LAMA3: variants seen among roughly 807,000 people sequenced by gnomAD.
LAMA3 encodes laminin subunit alpha 3, also known as laminin subunit alpha-3.
In LAMA3, 281 loss-of-function variants were observed where a neutral mutation model predicts 402.0. That is an observed-to-expected ratio of 0.70 (90% CI 0.63 to 0.77). LAMA3 has a LOEUF of 0.77. Among genes scored for constraint, LAMA3 ranks in the 30% least tolerant of loss-of-function variants. LAMA3 has a pLI of 0.00. For synonymous variants in LAMA3, 1,431 were observed against 1,558.4 expected (o/e 0.92, Z 1.93); for missense variants, 3,840 against 4,215.5 (o/e 0.91, Z 2.47).
chr18:23,920,193 T>C (rs1568345772), intron 60 of LAMA3, among the ~76,000 whole-genome samples: 1 of 152,116 alleles, frequency 6.6e-6, no homozygotes, highest in South Asian at 2.1e-4. Flanking sequence ...CCTGGTATAA[T>C]GGAAGAAGAG....
chr18:23,873,557 A>G (rs1337093967), intron 38 of LAMA3, among the ~76,000 whole-genome samples: 1 of 152,224 alleles, frequency 6.6e-6, no homozygotes, highest in Non-Finnish European at 1.5e-5. Flanking sequence ...TCCAAATGCT[A>G]CTTGGAAGAA....
intron 17 of LAMA3, 60 bp from the exon 18 acceptor site, chr18:23,816,328 G>T (rs906550647): frequency 7.6e-7 from 1 of 1,314,086 alleles, no homozygotes; most frequent in Non-Finnish European, 1.1e-6. Context: ...TGTACAGCAG[G>T]GGAGGCGCTC....
Position 23,775,613 on chromosome 18 carries a change from C to T in LAMA3, c.1274-179C>T, listed in dbSNP as rs748713494. Among the ~76,000 whole-genome samples, 82 of 152,248 alleles carry T rather than the reference C, an allele frequency of 5.4e-4. 1 individual carries two copies. The highest frequency in any genetic ancestry group is 3.7e-4 in the Non-Finnish European group (25 of 68,032). On this transcript the variant is annotated intron_variant, in intron 9 of 74. Transcript: ENST00000313654. Reference sequence around the variant, plus strand: ...ATTACAGCTGATCTCTGACAGCTCACGAGCTTCGGGCAGTGAGAACCATCA... The same window carrying T: ...ATTACAGCTGATCTCTGACAGCTCATGAGCTTCGGGCAGTGAGAACCATCA...
intron 12 of LAMA3, among the ~76,000 whole-genome samples, chr18:23,801,231 A>T (rs1372513186): frequency 6.6e-6 from 1 of 152,204 alleles, no homozygotes; most frequent in African/African-American, 2.4e-5. Flanking sequence ...GTAGGAGCTT[A>T]ACATTGAGTA....
chr18:23,787,419 T>G (rs1199211923), intron 12 of LAMA3, among the ~76,000 whole-genome samples: 1 of 151,912 alleles, frequency 6.6e-6, no homozygotes, highest in Non-Finnish European at 1.5e-5. Flanking sequence ...GGTGGAAAAC[T>G]TACTAAATTT....
chr18:23,772,254 C>T (rs2062216185), intron 8 of LAMA3, among the ~76,000 whole-genome samples: 1 of 152,126 alleles, frequency 6.6e-6, no homozygotes, highest in African/African-American at 2.4e-5. Context: ...ATTGGTCAGG[C>T]TGGTCTTGAA....
Position 23,898,941 on chromosome 18 carries a change from A to G in LAMA3, c.5725-13A>G. ...GACTTAATTTGCTGCTAATCAATTTATTTTTCATATAGGCTCAAGTAAATT... is the reference window on the plus strand; with the variant it reads ...GACTTAATTTGCTGCTAATCAATTTGTTTTTCATATAGGCTCAAGTAAATT... On this transcript the variant is annotated splice_polypyrimidine_tract_variant and intron_variant, in intron 45 of 74. Coordinates refer to ENST00000313654, the MANE Select transcript of LAMA3 (RefSeq NM_198129.4). 6.2e-7 allele frequency: 1 copy of G among 1,609,158 alleles called. No individual in the cohort carries two copies. The highest frequency in any genetic ancestry group is 8.5e-7 in the Non-Finnish European group (1 of 1,175,628).
chr18:23,900,084 T>TGC (rs1230504835), intron 47 of LAMA3, among the ~76,000 whole-genome samples: 2 of 151,826 alleles, frequency 1.3e-5, no homozygotes, highest in African/African-American at 4.8e-5. Context: ...TGTGTGTGTG[T>TGC]GTATGTGACA....
chr18:23,720,419 A>G (rs141519896), intron 2 of LAMA3, among the ~76,000 whole-genome samples: 339 of 152,210 alleles, frequency 2.2e-3, no homozygotes, highest in African/African-American at 7.7e-3. Context: ...CAGTGGCGCA[A>G]TCTCGGCTGA....
At chr18:23,836,320 C>T (rs1409334734) in intron 24 of LAMA3, among the ~76,000 whole-genome samples, 1 of 152,136 alleles carries the variant, frequency 6.6e-6, no homozygotes, top group Non-Finnish European at 1.5e-5. Context: ...ACAGTAGTTT[C>T]AAATTATATT....
chr18:23,692,306 G>A (rs537402586), intron 1 of LAMA3, among the ~76,000 whole-genome samples: 23 of 152,242 alleles, frequency 1.5e-4, no homozygotes, highest in Non-Finnish European at 2.6e-4. Context: ...AGTCTCTCTC[G>A]TCTCTCCCAG....
intron 4 of LAMA3, among the ~76,000 whole-genome samples, chr18:23,750,436 T>G (rs1474766581): frequency 1.1e-4 from 1 of 8,956 alleles, no homozygotes; most frequent in Non-Finnish European, 2.3e-4. Flanking sequence ...TACACAGTTT[T>G]TTTTTTTTTT....
Position 23,689,613 on chromosome 18 carries a change from G to C in LAMA3, c.-71G>C. The C allele has an allele frequency of 8.2e-7, 1 of 1,218,052 alleles. No homozygotes were observed. Among genetic ancestry groups the C allele is most frequent in the Non-Finnish European group, 1.0e-6 (1 of 976,202 alleles). 75.5% of individuals were successfully genotyped at this position (1,218,052 alleles called of 1,614,324 possible). ...TCCTGGCGCTGCAGGTCCGGGAGGC[G>C]CAGGCGGAGAGCGGCGGTGCCCCCG... On this transcript the variant is annotated 5_prime_UTR_variant, in exon 1 of 75. Coordinates refer to ENST00000313654, the MANE Select transcript of LAMA3 (RefSeq NM_198129.4).
At position 23,689,854 on chromosome 18, in the gene LAMA3, G is replaced by C; in HGVS notation, c.171G>C (p.Ala57=). The stretch of plus-strand genomic sequence containing the variant: ...CGACTTACTTCAACCTGGCCGAGGC[G>C]GCGAGGATTTGGGCCACCGCCACCT... ...LHPTYFNLAE[A]ARIWATATCG... is the part of the protein sequence containing the mutation. Residue 57 remains alanine (A), a synonymous_variant, in exon 1 of 75, where the codon GCG becomes GCC. Coordinates refer to ENST00000313654, the MANE Select transcript of LAMA3 (RefSeq NM_198129.4). The C allele has an allele frequency of 6.4e-7, 1 of 1,552,690 alleles. No individual in the cohort carries two copies. Among genetic ancestry groups the C allele is most frequent in the Non-Finnish European group, 8.7e-7 (1 of 1,148,810 alleles).
chr18:23,887,376 G>A (rs115048993), intron 41 of LAMA3, among the ~76,000 whole-genome samples: 11 of 152,236 alleles, frequency 7.2e-5, no homozygotes, highest in African/African-American at 1.7e-4. Context: ...TGGGAGAGGC[G>A]TCCTAATTTC....
intron 2 of LAMA3, among the ~76,000 whole-genome samples, chr18:23,727,818 C>G (rs2145982429): frequency 1.3e-5 from 2 of 152,228 alleles, no homozygotes; most frequent in South Asian, 4.1e-4. Flanking sequence ...GAGCTTCGAA[C>G]TCCAGAGCTC....
chr18:23,901,146 C>T lies in LAMA3; in HGVS notation c.6024C>T (p.Thr2008=), dbSNP rs543980622. 22 of 1,614,136 alleles carry T rather than the reference C, an allele frequency of 1.4e-5. No individual in the cohort carries two copies. In the South Asian group the frequency reaches 2.3e-4, roughly 17 times the overall value. The change falls in exon 48 of 75, where the codon ACC becomes ACT. Residue 2008 remains threonine (T), a synonymous_variant. Transcript: ENST00000313654. ...ESQLLLNRIR[T]WQKTHQGENN... ...TTACAGTGCTGAACCGGATAAGGAC[C>T]TGGCAGAAAACCCACCAGGGGGAGA... is the stretch of plus-strand genomic sequence containing the variant.
chr18:23,889,376 A>G (rs2080561399), intron 41 of LAMA3, among the ~76,000 whole-genome samples: 1 of 152,004 alleles, frequency 6.6e-6, no homozygotes, highest in Non-Finnish European at 1.5e-5. Context: ...AGTCTGGGCA[A>G]TATAGCAAGA....
chr18:23,915,259 T>C (rs971257516), intron 58 of LAMA3, 30 bp from the exon 59 acceptor site: 32 of 1,610,542 alleles, frequency 2.0e-5, no homozygotes, highest in Non-Finnish European at 2.7e-5. Flanking sequence ...CTTTGTTCAA[T>C]TGGTGGAAGA....
Sources: gnomAD v4.1 joint callset for allele counts (sites outside exome capture counted in the v4.1 genomes callset) on GRCh38, gnomAD v4.1.1 for gene constraint, MANE v1.5 for transcripts, NCBI Gene and HGNC (gene_info 2026-07-23, HGNC 2026-07-21) for gene names.